The following BARX2 variants were observed in gnomAD, a reference collection of about 807,000 sequenced individuals.
BARX2 encodes BARX homeobox 2, also known as homeobox protein BarH-like 2.
BARX2 carries 11 observed loss-of-function variants against 25.5 expected under a neutral mutation model. That is an observed-to-expected ratio of 0.43 (90% confidence interval 0.27 to 0.71). The LOEUF (loss-of-function observed/expected upper bound fraction) is 0.71, where lower values mean the gene tolerates loss of function less well. BARX2 is among the 30% of genes least tolerant of loss of function. The probability of loss-of-function intolerance (pLI) is 0.19; values close to 1 mark genes in which losing one functional copy is unlikely to be tolerated. For synonymous variants in BARX2, 137 were observed against 149.5 expected (o/e 0.92, Z 0.61); for missense variants, 360 against 359.9 (o/e 1.00, Z 0.00).
In BARX2 at chr11:129,451,366, G is replaced by T; in HGVS notation, c.804G>T (p.Leu268Phe). The T allele has an allele frequency of 6.2e-7, 1 of 1,614,074 alleles. No individual in the cohort carries two copies. The highest frequency in any genetic ancestry group is 8.5e-7 in the Non-Finnish European group (1 of 1,179,952). The part of the protein sequence containing the change: ...MAEPPDPPQE[L>F]PIPSSEPPPL... ...AGCCACCAGACCCGCCCCAGGAGTT[G>T]CCAATACCCTCTTCGGAACCCCCAC... Residue 268 changes from leucine to phenylalanine, a missense_variant, in exon 4 of 4, where the codon TTG becomes TTT. Leu to Phe is a conservative substitution (Grantham distance 22). Around this residue, in one of 3 missense-constraint regions of BARX2, gnomAD observed 114 missense variants for 109.4 expected, o/e 1.04. Coordinates refer to ENST00000281437, the MANE Select transcript of BARX2 (RefSeq NM_003658.5).
chr11:129,413,719 C>G (rs997573221), intron 1 of BARX2, among the ~76,000 whole-genome samples: 1 of 151,968 alleles, frequency 6.6e-6, no homozygotes, highest in African/African-American at 2.4e-5. Context: ...AAGGTGTCAT[C>G]GGCACCTTGG....
intron 1 of BARX2, among the ~76,000 whole-genome samples, chr11:129,388,771 ATAACAGC>A (rs1338854333): frequency 6.6e-6 from 1 of 152,234 alleles, no homozygotes; most frequent in Non-Finnish European, 1.5e-5. Context: ...AATAATGTAG[ATAACAGC>A]TTAAATATGA....
At chr11:129,432,194 C>T (rs906230125) in intron 1 of BARX2, among the ~76,000 whole-genome samples, 3 of 152,036 alleles carry the variant, frequency 2.0e-5, no homozygotes, top group African/African-American at 7.3e-5. Context: ...TCACAAGTAG[C>T]TGGGATTACA....
chr11:129,444,238 CAAAAT>C (rs1331418255), intron 3 of BARX2, among the ~76,000 whole-genome samples: 1 of 147,600 alleles, frequency 6.8e-6, no homozygotes, highest in Non-Finnish European at 1.5e-5. Context: ...AAAAAAAAAA[CAAAAT>C]AAGTAAATTG....
intron 1 of BARX2, among the ~76,000 whole-genome samples, chr11:129,391,523 A>T (rs1861665702): frequency 6.6e-6 from 1 of 152,128 alleles, no homozygotes; most frequent in Non-Finnish European, 1.5e-5. Context: ...GTTACGAAAT[A>T]AGGTTTTTAC....
At chr11:129,422,537 G>A (rs934719466) in intron 1 of BARX2, among the ~76,000 whole-genome samples, 4 of 152,124 alleles carry the variant, frequency 2.6e-5, no homozygotes, top group African/African-American at 9.7e-5. Context: ...GGCTTCAAAC[G>A]ATCCTCCTGC....
intron 1 of BARX2, among the ~76,000 whole-genome samples, chr11:129,382,371 G>A (rs1425174866): frequency 6.6e-6 from 1 of 152,138 alleles, no homozygotes; most frequent in East Asian, 1.9e-4. Flanking sequence ...TAGAGACGGG[G>A]TTTCACCATG....
At chr11:129,419,820 G>A (rs937819852) in intron 1 of BARX2, among the ~76,000 whole-genome samples, 2 of 151,858 alleles carry the variant, frequency 1.3e-5, no homozygotes, top group South Asian at 2.1e-4. Flanking sequence ...TCACTCTGTC[G>A]TCCAGGCTGG....
At chr11:129,398,430 TATC>T (rs1861743920) in intron 1 of BARX2, among the ~76,000 whole-genome samples, 1 of 152,242 alleles carries the variant, frequency 6.6e-6, no homozygotes, top group Non-Finnish European at 1.5e-5. Context: ...TGGACAGAGA[TATC>T]ATGCTAATTG....
intron 1 of BARX2, among the ~76,000 whole-genome samples, chr11:129,388,484 G>T (rs1351002209): frequency 6.6e-6 from 1 of 152,126 alleles, no homozygotes; most frequent in Non-Finnish European, 1.5e-5. Context: ...GGGAATCAAG[G>T]GTGGAATTCC....
intron 1 of BARX2, among the ~76,000 whole-genome samples, chr11:129,431,341 C>T (rs992809791): frequency 6.6e-6 from 1 of 152,122 alleles, no homozygotes; most frequent in Admixed American, 6.5e-5. Flanking sequence ...AAATGGTAAG[C>T]GTTTGTTTAA....
chr11:129,395,482 A>T (rs1278294485), intron 1 of BARX2, among the ~76,000 whole-genome samples: 3 of 152,110 alleles, frequency 2.0e-5, no homozygotes, highest in Non-Finnish European at 4.4e-5. Flanking sequence ...GGTCGTTTGG[A>T]TTAGATTGAG....
chr11:129,398,011 T>G (rs552822884), intron 1 of BARX2, among the ~76,000 whole-genome samples: 91 of 152,388 alleles, frequency 6.0e-4, no homozygotes, highest in African/African-American at 2.1e-3. Context: ...TATCTAGTGC[T>G]GTGGATGTCA....
At chr11:129,429,021 T>TC (rs1456684818) in intron 1 of BARX2, among the ~76,000 whole-genome samples, 7 of 149,568 alleles carry the variant, frequency 4.7e-5, no homozygotes, top group African/African-American at 1.7e-4. Context: ...TTTTTTTTTT[T>TC]TCATGAAGAT....
intron 1 of BARX2, among the ~76,000 whole-genome samples, chr11:129,435,739 T>C (rs1862180576): frequency 6.6e-6 from 1 of 152,246 alleles, no homozygotes; most frequent in African/African-American, 2.4e-5. Flanking sequence ...GATAAAATGA[T>C]TCACATAGGT....
In BARX2 at chr11:129,451,821, G is replaced by C. The variant is rs1862405530; in HGVS notation, c.*419G>C. 1 of 159,200 alleles carries C rather than the reference G, an allele frequency of 6.3e-6. No homozygotes were observed. Among genetic ancestry groups the C allele is most frequent in the Admixed American group, 6.5e-5 (1 of 15,442 alleles). The allele number at this position is 159,200 out of a possible 1,614,324, so 9.9% of individuals were successfully genotyped here. On this transcript the variant is annotated 3_prime_UTR_variant, in exon 4 of 4. Coordinates refer to ENST00000281437, the MANE Select transcript of BARX2 (RefSeq NM_003658.5). Reference sequence around the variant, plus strand: ...GGCGGCATGTGGGCAGCATGCCCAGGTTCCTTGCTGACTCAGCACTTATTT... The same window carrying C: ...GGCGGCATGTGGGCAGCATGCCCAGCTTCCTTGCTGACTCAGCACTTATTT...
At chr11:129,402,956 A>G (rs1861792961) in intron 1 of BARX2, among the ~76,000 whole-genome samples, 1 of 152,246 alleles carries the variant, frequency 6.6e-6, no homozygotes, top group African/African-American at 2.4e-5. Context: ...AACAGCACAC[A>G]GTGAAGAAGG....
At chr11:129,424,107 C>T (rs536058844) in intron 1 of BARX2, among the ~76,000 whole-genome samples, 2 of 152,230 alleles carry the variant, frequency 1.3e-5, no homozygotes, top group African/African-American at 4.8e-5. Flanking sequence ...CTTGGCCTCC[C>T]AAAGTGTTGG....
intron 2 of BARX2, 182 bp downstream of exon 2, chr11:129,437,233 A>T: frequency 1.5e-6 from 1 of 686,538 alleles, no homozygotes; most frequent in Non-Finnish European, 2.2e-6. Context: ...TGAATCCACC[A>T]CACGGTCCCT....
Sources: allele counts gnomAD v4.1 joint callset (sites outside exome capture counted in the v4.1 genomes callset), GRCh38; gene constraint gnomAD v4.1.1; regional missense constraint gnomAD v4.1.1; transcripts MANE v1.5; gene names NCBI Gene and HGNC (gene_info 2026-07-23, HGNC 2026-07-21).